Variants in A1CF observed in about 807,000 individuals in gnomAD.
A1CF encodes APOBEC1 complementation factor, also known as APOBEC-1 stimulating protein.
A1CF carries 48 observed loss-of-function variants against 68.9 expected under a neutral mutation model. The observed-to-expected ratio is 0.70, with a 90% confidence interval of 0.55 to 0.89. The LOEUF (loss-of-function observed/expected upper bound fraction) is 0.89. Among genes scored for constraint, A1CF ranks in the 40% least tolerant of loss-of-function variants. A1CF has a pLI of 0.00. For missense variants in A1CF, 653 were observed against 718.9 expected (o/e 0.91, Z 1.05); for synonymous variants, 272 against 260.4 (o/e 1.04, Z -0.43).
intron 11 of A1CF, 140 bp from the exon 12 acceptor site, chr10:50,810,182 A>T (rs190046259): frequency 1.0e-6 from 1 of 976,672 alleles, no homozygotes; most frequent in East Asian, 2.6e-5. Context: ...TTGCTATTAA[A>T]GCTTCTAAAT....
intron 1 of A1CF, among the ~76,000 whole-genome samples, chr10:50,864,818 A>T (rs1387007111): frequency 6.6e-6 from 1 of 151,990 alleles, no homozygotes. Flanking sequence ...GGGTTTCTCC[A>T]TGTTGGTCAG....
intron 7 of A1CF, among the ~76,000 whole-genome samples, chr10:50,826,624 G>GA (rs1838953039): frequency 6.6e-6 from 1 of 152,122 alleles, no homozygotes; most frequent in Non-Finnish European, 1.5e-5. Context: ...AAGAACTCCT[G>GA]AAGGAAGCGC....
At chr10:50,839,858 C>G (rs1223919450) in intron 5 of A1CF, among the ~76,000 whole-genome samples, 1 of 152,134 alleles carries the variant, frequency 6.6e-6, no homozygotes, top group Non-Finnish European at 1.5e-5. Flanking sequence ...AAGCAATTCT[C>G]CTGCCTCCCG....
At chr10:50,876,713 G>A (rs1414419543) in intron 1 of A1CF, among the ~76,000 whole-genome samples, 1 of 152,052 alleles carries the variant, frequency 6.6e-6, no homozygotes, top group Non-Finnish European at 1.5e-5. Flanking sequence ...CTATGCATGG[G>A]CTCCCCTGAA....
At position 50,807,757 on chromosome 10, in the gene A1CF, G is replaced by A. The variant is rs191193392; in HGVS notation, c.1610-877C>T. On this transcript the variant is annotated intron_variant, in intron 12 of 12. Coordinates refer to ENST00000373997, the MANE Select transcript of A1CF (RefSeq NM_014576.4). Reference sequence around the variant, plus strand: ...GATTATCCAGAAATTGTAAAAGATAGCAAGAAAAAGAGAGAAGTATACTTA... The same window carrying A: ...GATTATCCAGAAATTGTAAAAGATAACAAGAAAAAGAGAGAAGTATACTTA... Among the ~76,000 whole-genome samples, 35 of 152,204 alleles carry A rather than the reference G, an allele frequency of 2.3e-4. No homozygotes were observed. The East Asian group carries it at 5.4e-3, about 23-fold the overall frequency.
At chr10:50,838,220 G>C (rs948493186) in intron 5 of A1CF, among the ~76,000 whole-genome samples, 6 of 152,138 alleles carry the variant, frequency 3.9e-5, no homozygotes, top group African/African-American at 1.2e-4. Context: ...TCTGACCAGG[G>C]TTAGGCCACT....
At chr10:50,841,774 G>A (rs1839788336) in intron 5 of A1CF, 88 bp downstream of exon 5, 1 of 1,494,222 alleles carries the variant, frequency 6.7e-7, no homozygotes, top group Non-Finnish European at 9.0e-7. Context: ...TTTTTTTTTG[G>A]CATACACCAT....
rs558243609 is a variant in A1CF, at chr10:50,866,456, C to A, written c.-93-2376G>T. ...GGCTGCAGCTGCTCAATGGAAATTG[C>A]CATAGTTCACTATTGGGCAAAGTTA... On this transcript the variant is annotated intron_variant, in intron 1 of 12. Coordinates refer to ENST00000373997, the MANE Select transcript of A1CF (RefSeq NM_014576.4). 8.5e-5 allele frequency among the ~76,000 whole-genome samples: 13 copies of A among 152,254 alleles called. 1 individual carries two copies. Among genetic ancestry groups the A allele is most frequent in the Middle Eastern group, 6.8e-3 (2 of 294 alleles).
rs958314401 is a variant in A1CF, at chr10:50,864,020, A to T, written c.-46+13T>A. 3 of 152,226 alleles carry T rather than the reference A, an allele frequency of 2.0e-5. No homozygotes were observed. The highest frequency in any genetic ancestry group is 4.4e-5 in the Non-Finnish European group (3 of 68,038). The allele number at this position is 152,226 out of a possible 1,614,324, so 9.4% of individuals were successfully genotyped here. ...TATGCCAATACACAGTAAGTAAAAT[A>T]TAGTATACTTACATAATTTTTGTAG... On this transcript the variant is annotated intron_variant, in intron 2 of 12. Coordinates refer to ENST00000373997, the MANE Select transcript of A1CF (RefSeq NM_014576.4).
chr10:50,844,439 A>G (rs1454686335), intron 3 of A1CF, among the ~76,000 whole-genome samples: 1 of 152,162 alleles, frequency 6.6e-6, no homozygotes, highest in Non-Finnish European at 1.5e-5. Flanking sequence ...TTAAAGAGTA[A>G]ATAGATCAGG....
rs1288472057 is a variant in A1CF, at chr10:50,804,049, G to A, written c.*2680C>T. On this transcript the variant is annotated 3_prime_UTR_variant, in exon 13 of 13. Transcript: ENST00000373997. ...GAAAGTAAAAATAAACATATGGCAT[G>A]GTAGACACATTAACACTTTCTATGA... 6.6e-6 allele frequency: 1 copy of A among 152,058 alleles called. No individual in the cohort carries two copies. The highest frequency in any genetic ancestry group is 1.5e-5 in the Non-Finnish European group (1 of 67,990). 9.4% of individuals were successfully genotyped at this position (152,058 alleles called of 1,614,324 possible). A position where few individuals can be genotyped will look rare whatever the true frequency, so the allele number is the denominator to read the frequency against.
intron 8 of A1CF, among the ~76,000 whole-genome samples, chr10:50,818,009 C>T (rs1286604598): frequency 1.3e-5 from 2 of 152,148 alleles, no homozygotes; most frequent in Non-Finnish European, 2.9e-5. Flanking sequence ...ACTTTCATAA[C>T]AACCTACCAT....
Position 50,842,000 on chromosome 10 carries a change from T to C in A1CF, c.235-8A>G, listed in dbSNP as rs770533551. Reference sequence around the variant, plus strand: ...TTCATAAATTTTACCGATCTGCAAGTAATAGAAATAGAACATTTATATTTA... The same window carrying C: ...TTCATAAATTTTACCGATCTGCAAGCAATAGAAATAGAACATTTATATTTA... On this transcript the variant is annotated splice_polypyrimidine_tract_variant and splice_region_variant and intron_variant, in intron 4 of 12. Transcript: ENST00000373997. The C allele has an allele frequency of 6.2e-7, 1 of 1,601,594 alleles. No individual in the cohort carries two copies. The highest frequency in any genetic ancestry group is 1.1e-5 in the South Asian group (1 of 90,138).
intron 3 of A1CF, chr10:50,850,932 T>G: frequency 9.1e-7 from 1 of 1,104,482 alleles, no homozygotes; most frequent in Non-Finnish European, 1.3e-6. Context: ...ACAATTTGCC[T>G]TTTTGAATTA....
rs1839063143 is a variant in A1CF at position 50,828,203 on chromosome 10, G to A, written c.697C>T (p.Leu233=). 6.2e-7 allele frequency: 1 copy of A among 1,608,996 alleles called. No individual in the cohort carries two copies. The highest frequency in any genetic ancestry group is 1.3e-5 in the African/African-American group (1 of 74,808). The change falls in exon 7 of 13, where the codon CTA becomes TTA. Residue 233 remains leucine, a synonymous_variant. Coordinates refer to ENST00000373997, the MANE Select transcript of A1CF (RefSeq NM_014576.4). ...GACAGCATAAGATTTCTTACATATA[G>A]GATTTTCACTGAAGACATTGTATCT... The part of the protein sequence containing the change: ...DEDTMSSVKI[L]YVRNLMLSTS...
At chr10:50,850,654 C>A (rs144018884) in intron 3 of A1CF, 2 of 1,613,740 alleles carry the variant, frequency 1.2e-6, no homozygotes, top group African/African-American at 2.7e-5. Context: ...CTTCTAAGAC[C>A]CTCTGCTTAC....
chr10:50,825,058 T>A (rs1838852908), intron 7 of A1CF, among the ~76,000 whole-genome samples: 1 of 152,118 alleles, frequency 6.6e-6, no homozygotes, highest in Admixed American at 6.6e-5. Flanking sequence ...TGGAGAAAGA[T>A]CTTTGGTGAA....
At chr10:50,816,442 T>G in intron 8 of A1CF, 163 bp from the exon 9 acceptor site, 1 of 770,898 alleles carries the variant, frequency 1.3e-6, no homozygotes, top group Non-Finnish European at 2.0e-6. Flanking sequence ...CCAGTTGAAC[T>G]TTTTCTGAGC....
At chr10:50,869,704 T>C (rs1259623036) in intron 1 of A1CF, among the ~76,000 whole-genome samples, 1 of 152,106 alleles carries the variant, frequency 6.6e-6, no homozygotes, top group Non-Finnish European at 1.5e-5. Flanking sequence ...TTTAGACAGA[T>C]ACTTGTGAAA....
Sources: allele counts gnomAD v4.1 joint callset (sites outside exome capture counted in the v4.1 genomes callset), GRCh38; gene constraint gnomAD v4.1.1; transcripts MANE v1.5; gene names NCBI Gene and HGNC (gene_info 2026-07-23, HGNC 2026-07-21).